PTPRM: variants seen among roughly 807,000 people sequenced by gnomAD.
PTPRM encodes the protein receptor-type tyrosine-protein phosphatase mu.
Under a neutral mutation model 186.7 loss-of-function variants are expected in PTPRM, and 47 were observed. The ratio of observed to expected loss-of-function variants is 0.25; its 90% CI spans 0.20 to 0.32. PTPRM has a LOEUF of 0.32. Among genes scored for constraint, PTPRM ranks in the 10% least tolerant of loss-of-function variants. The pLI, the probability that PTPRM is intolerant of heterozygous loss-of-function variation, is 1.00. For synonymous variants in PTPRM, 668 were observed against 674.9 expected (o/e 0.99, Z 0.16); for missense variants, 1,494 against 1,865.0 (o/e 0.80, Z 3.66).
chr18:8,220,172 A>G (rs1452352969), intron 14 of PTPRM, among the ~76,000 whole-genome samples: 1 of 152,222 alleles, frequency 6.6e-6, no homozygotes, highest in African/African-American at 2.4e-5. Context: ...CATGGTGAGA[A>G]TTAAAGGGGA....
chr18:8,075,665 T>C (rs2089766833), intron 8 of PTPRM, among the ~76,000 whole-genome samples: 1 of 152,122 alleles, frequency 6.6e-6, no homozygotes, highest in Non-Finnish European at 1.5e-5. Flanking sequence ...GTTATGTATT[T>C]TAAGTTTTGA....
At chr18:7,689,696 AAC>A (rs1325497213) in intron 1 of PTPRM, among the ~76,000 whole-genome samples, 2 of 152,238 alleles carry the variant, frequency 1.3e-5, no homozygotes, top group African/African-American at 4.8e-5. Flanking sequence ...AAAAATAAGC[AAC>A]AAGTAATAAT....
At chr18:7,617,499 C>T (rs879189469) in intron 1 of PTPRM, among the ~76,000 whole-genome samples, 2 of 152,076 alleles carry the variant, frequency 1.3e-5, no homozygotes, top group Admixed American at 1.3e-4. Context: ...CCTGGAGCAA[C>T]TATTATACAT....
intron 1 of PTPRM, among the ~76,000 whole-genome samples, chr18:7,735,597 TA>T (rs2040752528): frequency 6.7e-6 from 1 of 149,420 alleles, no homozygotes; most frequent in Non-Finnish European, 1.5e-5. Flanking sequence ...AAAATATACC[TA>T]AAAAATTTGC....
chr18:7,660,887 C>G (rs1483563288), intron 1 of PTPRM, among the ~76,000 whole-genome samples: 2 of 151,996 alleles, frequency 1.3e-5, no homozygotes, highest in African/African-American at 2.4e-5. Flanking sequence ...AGGAGAATCG[C>G]TTGAACCTGG....
intron 7 of PTPRM, among the ~76,000 whole-genome samples, chr18:8,026,743 A>G (rs1439117034): frequency 6.6e-6 from 1 of 152,164 alleles, no homozygotes; most frequent in Non-Finnish European, 1.5e-5. Flanking sequence ...CTGTAGTCCC[A>G]GCTACTCGGG....
intron 22 of PTPRM, among the ~76,000 whole-genome samples, chr18:8,342,390 C>G (rs2095479965): frequency 6.6e-6 from 1 of 152,200 alleles, no homozygotes; most frequent in South Asian, 2.1e-4. Flanking sequence ...GACATTGAAA[C>G]TCATAGAGGC....
Position 7,578,492 on chromosome 18 carries a change from T to C in PTPRM, c.73+10601T>C, listed in dbSNP as rs80163680. Among the ~76,000 whole-genome samples the C allele has an allele frequency of 4.3e-3, 655 of 152,044 alleles. 2 individuals carry two copies. Among genetic ancestry groups the C allele is most frequent in the East Asian group, 0.015 (76 of 5,148 alleles). ...CTGGGGCTATAGGCGCCCGCCACCATGCCCGGCTAATTTTTTGTATTTTTA... is the reference window on the plus strand; with the variant it reads ...CTGGGGCTATAGGCGCCCGCCACCACGCCCGGCTAATTTTTTGTATTTTTA... On this transcript the variant is annotated intron_variant, in intron 1 of 32. Transcript: ENST00000580170.
Position 8,378,290 on chromosome 18 carries a change from C to T in PTPRM, c.3488C>T (p.Ala1163Val), listed in dbSNP as rs764281560. Residue 1163 changes from alanine (A) to valine (V), a missense_variant, in exon 27 of 33, where the codon GCG becomes GTG. Physicochemically the swap from Ala to Val is moderately conservative, Grantham distance 64. Around this residue, in one of 3 missense-constraint regions of PTPRM, gnomAD observed 1,107 missense variants for 1,350.2 expected, o/e 0.82. Coordinates refer to ENST00000580170, the MANE Select transcript of PTPRM (RefSeq NM_001105244.2). ...GAGCAGTATGTGTTTATCCACGATG[C>T]GATCCTGGAAGCCTGTCTTTGTGGG... ...TEEQYVFIHD[A>V]ILEACLCGDT... is the part of the protein sequence containing the mutation. The T allele has an allele frequency of 5.0e-6, 8 of 1,611,890 alleles. No homozygotes were observed. The highest frequency in any genetic ancestry group is 3.3e-5 in the Admixed American group (2 of 59,998).
At chr18:8,374,553 C>T (rs1299609768) in intron 24 of PTPRM, among the ~76,000 whole-genome samples, 1 of 152,194 alleles carries the variant, frequency 6.6e-6, no homozygotes, top group Non-Finnish European at 1.5e-5. Context: ...GACCATGGCA[C>T]TGGCAAACAT....
chr18:7,774,218 G>A lies in PTPRM; in HGVS notation c.143G>A (p.Trp48Ter). 1 of 1,613,938 alleles carries A rather than the reference G, an allele frequency of 6.2e-7. No individual in the cohort carries two copies. Among genetic ancestry groups the A allele is most frequent in the Non-Finnish European group, 8.5e-7 (1 of 1,179,850 alleles). ...CAATCTGAAGGTGATGACTTCAATT[G>A]GGAGCAAGTGAACACCTTGACTAAA... is the stretch of plus-strand genomic sequence containing the variant. ...YSQSEGDDFN[W>*]EQVNTLTKPT... The change falls in exon 2 of 33, where the codon TGG becomes TAG. Residue 48 changes from tryptophan (W) to a stop codon, truncating the protein, a stop_gained. Coordinates refer to ENST00000580170, the MANE Select transcript of PTPRM (RefSeq NM_001105244.2). LOFTEE classifies it high-confidence loss of function.
chr18:8,373,871 T>C lies in PTPRM; in HGVS notation c.3172-2175T>C, dbSNP rs1395914534. Among the ~76,000 whole-genome samples the C allele has an allele frequency of 2.0e-5, 3 of 148,732 alleles. No individual in the cohort carries two copies. In the South Asian group the frequency reaches 6.4e-4, roughly 32 times the overall value. On this transcript the variant is annotated intron_variant, in intron 24 of 32. Transcript: ENST00000580170. The stretch of plus-strand genomic sequence containing the variant: ...TTGCACTGCAGCCTGGGCAACAGAA[T>C]GAGACCCTGTCTCGGAAAAAAAAAA...
intron 17 of PTPRM, 72 bp from the exon 18 acceptor site, chr18:8,252,416 C>G: frequency 1.7e-6 from 2 of 1,182,396 alleles, no homozygotes; most frequent in Non-Finnish European, 2.5e-6. Context: ...TAATTATGCA[C>G]GCAGTACTAT....
At chr18:7,899,737 C>T (rs1486789155) in intron 3 of PTPRM, among the ~76,000 whole-genome samples, 1 of 152,108 alleles carries the variant, frequency 6.6e-6, no homozygotes, top group Non-Finnish European at 1.5e-5. Context: ...CAGTAGTTTA[C>T]AGTGTCTTTA....
At chr18:8,054,083 C>CT (rs2087712976) in intron 7 of PTPRM, among the ~76,000 whole-genome samples, 1 of 151,782 alleles carries the variant, frequency 6.6e-6, no homozygotes, top group South Asian at 2.1e-4. Flanking sequence ...GCTGTTTTTT[C>CT]TTGTTTCATT....
intron 1 of PTPRM, among the ~76,000 whole-genome samples, chr18:7,729,494 GTATTTA>G (rs1036237035): frequency 4.6e-5 from 7 of 151,626 alleles, no homozygotes; most frequent in Admixed American, 2.0e-4. Flanking sequence ...AACTTCCATT[GTATTTA>G]AAATAGCATT....
intron 1 of PTPRM, among the ~76,000 whole-genome samples, chr18:7,596,849 T>G (rs966049560): frequency 2.0e-5 from 3 of 152,146 alleles, no homozygotes; most frequent in African/African-American, 7.2e-5. Flanking sequence ...CATTTATCTT[T>G]TTTTTTTCCT....
chr18:7,568,135 C>T lies in PTPRM; in HGVS notation c.73+244C>T, dbSNP rs2036475032. Reference sequence around the variant, plus strand: ...CCGAGGGCGAGCTCCCCAGCCGGGACTGCCAGCTCGGCCGCCGTCCTTCCG... The same window carrying T: ...CCGAGGGCGAGCTCCCCAGCCGGGATTGCCAGCTCGGCCGCCGTCCTTCCG... On this transcript the variant is annotated intron_variant, in intron 1 of 32. Transcript: ENST00000580170. This position sits in a 1 kb window ranked among gnomAD's most constrained non-coding sequence, Gnocchi z 5.1. Among the ~76,000 whole-genome samples, 1 of 151,932 alleles carries T rather than the reference C, an allele frequency of 6.6e-6. No homozygotes were observed. The highest frequency in any genetic ancestry group is 6.6e-5 in the Admixed American group (1 of 15,254).
intron 5 of PTPRM, chr18:7,946,810 C>T (rs1169983510): frequency 2.5e-6 from 1 of 394,786 alleles, no homozygotes; most frequent in Non-Finnish European, 5.0e-6. Context: ...CTGTTCTTCC[C>T]CACTCGTGAT....
Sources: allele counts gnomAD v4.1 joint callset (sites outside exome capture counted in the v4.1 genomes callset), GRCh38; gene constraint gnomAD v4.1.1; regional missense constraint gnomAD v4.1.1; non-coding constraint Gnocchi (gnomAD v3.1); transcripts MANE v1.5; gene names NCBI Gene and HGNC (gene_info 2026-07-23, HGNC 2026-07-21).